The following CSMD1 variants were observed in gnomAD, a reference collection of about 807,000 sequenced individuals.
CSMD1 encodes the protein CUB and Sushi multiple domains 1.
A neutral mutation model predicts 417.5 loss-of-function variants in CSMD1; 213 were observed. The observed-to-expected ratio is 0.51, with a 90% CI of 0.46 to 0.57. CSMD1 has a LOEUF of 0.57. Among genes scored for constraint, CSMD1 ranks in the 20% least tolerant of loss-of-function variants. The probability of loss-of-function intolerance (pLI) is 0.00; values close to 1 mark genes in which losing one functional copy is unlikely to be tolerated. For synonymous variants in CSMD1, 2,862 were observed against 1,736.8 expected (o/e 1.65, Z -16.11); for missense variants, 6,923 against 4,529.7 (o/e 1.53, Z -15.17).
intron 21 of CSMD1, among the ~76,000 whole-genome samples, chr8:3,353,105 A>T (rs1171348882): frequency 6.6e-6 from 1 of 152,210 alleles, no homozygotes; most frequent in African/African-American, 2.4e-5. Flanking sequence ...CAATATTGGT[A>T]ATTATTCCTA....
chr8:4,363,043 G>C (rs144966709), intron 3 of CSMD1, among the ~76,000 whole-genome samples: 225 of 152,272 alleles, frequency 1.5e-3, no homozygotes, highest in African/African-American at 4.8e-3. Context: ...TGCTACTACG[G>C]AAGGGAGAAA....
intron 2 of CSMD1, among the ~76,000 whole-genome samples, chr8:4,620,326 T>A (rs529294177): frequency 6.6e-6 from 1 of 151,720 alleles, no homozygotes; most frequent in African/African-American, 2.4e-5. Context: ...CACACACATA[T>A]ATATGTATAC....
chr8:2,957,025 T>C (rs934798801), intron 63 of CSMD1, among the ~76,000 whole-genome samples: 2 of 152,168 alleles, frequency 1.3e-5, no homozygotes, highest in African/African-American at 4.8e-5. Context: ...ATTAATGTTT[T>C]TATTTTTAAT....
At chr8:4,272,993 C>A (rs1274729629) in intron 3 of CSMD1, among the ~76,000 whole-genome samples, 3 of 152,128 alleles carry the variant, frequency 2.0e-5, no homozygotes, top group African/African-American at 2.4e-5. Flanking sequence ...ATGCTTAAAA[C>A]AGCTATTGCG....
chr8:3,029,460 G>A lies in CSMD1; in HGVS notation c.7714C>T (p.Leu2572=). 6.2e-7 allele frequency: 1 copy of A among 1,607,482 alleles called. No homozygotes were observed. Among genetic ancestry groups the A allele is most frequent in the Non-Finnish European group, 8.5e-7 (1 of 1,177,164 alleles). Residue 2572 remains leucine, a synonymous_variant, in exon 51 of 70, where the codon CTG becomes TTG. Coordinates refer to ENST00000635120, the MANE Select transcript of CSMD1 (RefSeq NM_033225.6). ...AQLSEHVIWR[L]VSGSLNEYGA... is the part of the protein sequence containing the mutation. The stretch of plus-strand genomic sequence containing the variant: ...TACTCATTCAAGGATCCTGAAACCA[G>A]CCTCCAGATGACATGTTCTGAGAGC...
intron 3 of CSMD1, among the ~76,000 whole-genome samples, chr8:4,406,307 G>A (rs925070197): frequency 1.1e-4 from 16 of 152,008 alleles, no homozygotes; most frequent in Non-Finnish European, 1.6e-4. Flanking sequence ...CTTTGCAATT[G>A]GGCTTCCAGT....
intron 12 of CSMD1, among the ~76,000 whole-genome samples, chr8:3,418,944 A>T (rs1365590632): frequency 6.6e-6 from 1 of 152,244 alleles, no homozygotes; most frequent in Non-Finnish European, 1.5e-5. Context: ...TGCATAATGC[A>T]ATTTTACTTT....
At chr8:4,634,220 T>A (rs1048127978) in intron 2 of CSMD1, among the ~76,000 whole-genome samples, 1 of 152,152 alleles carries the variant, frequency 6.6e-6, no homozygotes, top group Non-Finnish European at 1.5e-5. Flanking sequence ...AAGATGATAA[T>A]ATAAAGGATA....
intron 12 of CSMD1, among the ~76,000 whole-genome samples, chr8:3,444,617 G>C (rs28525416): frequency 0.091 from 13,779 of 152,080 alleles, 712 homozygotes; most frequent in Middle Eastern, 0.14. Flanking sequence ...AAAACCTACA[G>C]TCACAGGACC....
intron 4 of CSMD1, among the ~76,000 whole-genome samples, chr8:4,030,186 C>T (rs1797268660): frequency 1.2e-5 from 1 of 83,978 alleles, no homozygotes; most frequent in Non-Finnish European, 2.3e-5. Flanking sequence ...TGGTAGCCTT[C>T]TTCTCACAGC....
intron 50 of CSMD1, among the ~76,000 whole-genome samples, chr8:3,036,498 G>A (rs1810681588): frequency 1.3e-5 from 2 of 152,090 alleles, no homozygotes; most frequent in Non-Finnish European, 2.9e-5. Flanking sequence ...ATTATGATTA[G>A]ATGTCATTGG....
intron 10 of CSMD1, among the ~76,000 whole-genome samples, chr8:3,538,586 G>A (rs1483675568): frequency 6.6e-6 from 1 of 152,228 alleles, no homozygotes; most frequent in Non-Finnish European, 1.5e-5. Flanking sequence ...CCCTGTGATT[G>A]TGTGCCCACA....
intron 1 of CSMD1, among the ~76,000 whole-genome samples, chr8:4,950,409 T>A (rs912243977): frequency 6.6e-6 from 1 of 152,168 alleles, no homozygotes; most frequent in Non-Finnish European, 1.5e-5. Context: ...CAAACAAGCG[T>A]TTTTAGATTC....
chr8:4,367,429 T>A (rs2128910806), intron 3 of CSMD1, among the ~76,000 whole-genome samples: 1 of 152,304 alleles, frequency 6.6e-6, no homozygotes. Context: ...TGTCTATTTC[T>A]GTACCAGTAC....
At chr8:3,757,587 G>C (rs989666187) in intron 5 of CSMD1, among the ~76,000 whole-genome samples, 2 of 152,128 alleles carry the variant, frequency 1.3e-5, no homozygotes, top group East Asian at 1.9e-4. Flanking sequence ...AACAGACCCG[G>C]TGCAGTGGCT....
intron 21 of CSMD1, among the ~76,000 whole-genome samples, chr8:3,350,081 A>ACCTTCGTGACATG (rs1563299044): frequency 1.5e-4 from 20 of 136,808 alleles, no homozygotes; most frequent in East Asian, 4.3e-4. Context: ...GTGTGTTATA[A>ACCTTCGTGACATG]TACCTATAAT....
intron 3 of CSMD1, among the ~76,000 whole-genome samples, chr8:4,071,489 AC>A (rs1204826553): frequency 1.3e-5 from 2 of 152,024 alleles, no homozygotes; most frequent in Non-Finnish European, 2.9e-5. Flanking sequence ...ACTTTTTTTC[AC>A]CAAGAGCATT....
intron 4 of CSMD1, among the ~76,000 whole-genome samples, chr8:4,025,097 T>C (rs1421776128): frequency 1.3e-5 from 2 of 152,144 alleles, no homozygotes; most frequent in African/African-American, 4.8e-5. Flanking sequence ...AGCAATGGAA[T>C]AAAAGGGGAC....
chr8:4,211,835 T>C (rs562412291), intron 3 of CSMD1, among the ~76,000 whole-genome samples: 76 of 152,298 alleles, frequency 5.0e-4, no homozygotes, highest in African/African-American at 1.7e-3. Flanking sequence ...GTAGGAGTCT[T>C]TGAGGGTGAG....
Sources: gnomAD v4.1 joint callset for allele counts (sites outside exome capture counted in the v4.1 genomes callset) on GRCh38, gnomAD v4.1.1 for gene constraint, MANE v1.5 for transcripts, NCBI Gene and HGNC (gene_info 2026-07-23, HGNC 2026-07-21) for gene names.